SHCBP1: variants seen among roughly 807,000 people sequenced by gnomAD.
The protein encoded by SHCBP1 is SHC SH2 domain-binding protein 1.
A neutral mutation model predicts 75.1 loss-of-function variants in SHCBP1; 60 were observed. That is an observed-to-expected ratio of 0.80 (90% CI 0.65 to 0.99). SHCBP1 has a LOEUF of 0.99. Ranked by LOEUF, SHCBP1 falls within the 50% of genes least tolerant of loss-of-function variation. The pLI is 0.00. For missense variants in SHCBP1, 709 were observed against 809.4 expected (o/e 0.88, Z 1.50); for synonymous variants, 290 against 293.2 (o/e 0.99, Z 0.11).
chr16:46,580,515 T>C lies in SHCBP1; in HGVS notation c.*1214A>G, dbSNP rs954926654. On this transcript the variant is annotated 3_prime_UTR_variant, in exon 13 of 13. Coordinates refer to ENST00000303383, the MANE Select transcript of SHCBP1 (RefSeq NM_024745.5). Reference sequence around the variant, plus strand: ...GACCACATATGCTACACTGACACTATGGCCCACAGTGAGTTTGAAAAGATA... The same window carrying C: ...GACCACATATGCTACACTGACACTACGGCCCACAGTGAGTTTGAAAAGATA... 2.6e-5 allele frequency: 4 copies of C among 152,324 alleles called. No individual in the cohort carries two copies. Among genetic ancestry groups the C allele is most frequent in the African/African-American group, 4.8e-5 (2 of 41,580 alleles). 9.4% of individuals were successfully genotyped at this position (152,324 alleles called of 1,614,324 possible).
intron 3 of SHCBP1, 42 bp downstream of exon 3, chr16:46,617,592 T>G: frequency 1.3e-6 from 2 of 1,518,080 alleles, no homozygotes; most frequent in Non-Finnish European, 1.8e-6. Flanking sequence ...AGTAAAGTGC[T>G]TAAAGCTAGA....
chr16:46,581,782 C>T lies in SHCBP1; in HGVS notation c.1966G>A (p.Gly656Arg), dbSNP rs149710303. ...TTCCCATTCCACTTGAACTGGTTCCCCACAATCCCAACAAACATCTCCTGT... is the reference window on the plus strand; with the variant it reads ...TTCCCATTCCACTTGAACTGGTTCCTCACAATCCCAACAAACATCTCCTGT... ...MSQEMFVGIV[G>R]NQFKWNGKGS... The change falls in exon 13 of 13, where the codon GGG becomes AGG. Residue 656 changes from glycine to arginine, a missense_variant. Coordinates refer to ENST00000303383, the MANE Select transcript of SHCBP1 (RefSeq NM_024745.5). The T allele has an allele frequency of 2.2e-5, 36 of 1,614,188 alleles. No homozygotes were observed. In the East Asian group the frequency reaches 7.8e-4, roughly 35 times the overall value.
At chr16:46,611,324 A>C (rs1228940461) in intron 4 of SHCBP1, among the ~76,000 whole-genome samples, 1 of 152,266 alleles carries the variant, frequency 6.6e-6, no homozygotes. Flanking sequence ...AGTATACAAT[A>C]ATCATACAAA....
At chr16:46,617,885 G>C (rs1596692206) in intron 2 of SHCBP1, 136 bp from the exon 3 acceptor site, 2 of 768,220 alleles carry the variant, frequency 2.6e-6, no homozygotes, top group East Asian at 2.7e-5. Context: ...AAAGATAAAA[G>C]ATGCAAAAAA....
At position 46,604,295 on chromosome 16, in the gene SHCBP1, AC is replaced by A; in HGVS notation, c.855del (p.Leu286Ter). 3.7e-6 allele frequency: 6 copies of A among 1,614,158 alleles called. No homozygotes were observed. Among genetic ancestry groups the A allele is most frequent in the Non-Finnish European group, 5.1e-6 (6 of 1,180,024 alleles). Reference sequence around the variant, plus strand: ...TGTTCCATCTCCGAATACAATTTTAACCCTTCCACCATGGAGATATTTTCCT... The same window carrying A: ...TGTTCCATCTCCGAATACAATTTTAACCTTCCACCATGGAGATATTTTCCT... ...SEQENISMVE[G>X]LKLYSEMEQL... is the part of the protein sequence containing the mutation. On this transcript the variant is annotated frameshift_variant, in exon 6 of 13. Transcript: ENST00000303383. LOFTEE classifies it high-confidence loss of function.
intron 3 of SHCBP1, among the ~76,000 whole-genome samples, chr16:46,617,066 T>C (rs1212678730): frequency 6.6e-6 from 1 of 152,210 alleles, no homozygotes; most frequent in African/African-American, 2.4e-5. Context: ...AAGCTGTAAT[T>C]AGAATGCAAA....
At chr16:46,602,263 C>T (rs958584059) in intron 8 of SHCBP1, among the ~76,000 whole-genome samples, 3 of 152,064 alleles carry the variant, frequency 2.0e-5, no homozygotes, top group Non-Finnish European at 2.9e-5. Context: ...TTTATATACA[C>T]ACATCTATTA....
At chr16:46,615,888 C>T (rs1392346772) in intron 4 of SHCBP1, 58 bp downstream of exon 4, 79 of 1,432,582 alleles carry the variant, frequency 5.5e-5, no homozygotes, top group Non-Finnish European at 7.5e-5. Flanking sequence ...ACCAGAATTA[C>T]TTCATTTCAT....
intron 8 of SHCBP1, among the ~76,000 whole-genome samples, chr16:46,602,439 T>C (rs1217959181): frequency 1.3e-5 from 2 of 152,214 alleles, no homozygotes; most frequent in Non-Finnish European, 2.9e-5. Context: ...TCTGAACAGC[T>C]GCACAAGTCC....
chr16:46,617,522 C>G lies in SHCBP1; in HGVS notation c.387+112G>C, dbSNP rs542299372. On this transcript the variant is annotated intron_variant, in intron 3 of 12. Coordinates refer to ENST00000303383, the MANE Select transcript of SHCBP1 (RefSeq NM_024745.5). ...ATGGCAATTAGATGTGAAAAACATG[C>G]TATTTGAATCAGCTCATAAACTTTA... is the stretch of plus-strand genomic sequence containing the variant. 4 of 728,606 alleles carry G rather than the reference C, an allele frequency of 5.5e-6. No homozygotes were observed. In the East Asian group the frequency reaches 8.5e-5, roughly 15 times the overall value. 45.1% of individuals were successfully genotyped at this position (728,606 alleles called of 1,614,324 possible).
In SHCBP1 at chr16:46,599,858, G is replaced by T. The variant is rs1400355591; in HGVS notation, c.1318C>A (p.Gln440Lys). 6.2e-7 allele frequency: 1 copy of T among 1,611,466 alleles called. No individual in the cohort carries two copies. The highest frequency in any genetic ancestry group is 8.5e-7 in the Non-Finnish European group (1 of 1,179,336). Residue 440 changes from glutamine to lysine, a missense_variant, in exon 9 of 13, where the codon CAG (glutamine) becomes AAG (lysine). Coordinates refer to ENST00000303383, the MANE Select transcript of SHCBP1 (RefSeq NM_024745.5). ...AAGATTCCCTCTACAGCATCATGCT[G>T]AACAAATTTTATGCCTGAGATTTTA... ...DIKISGIKFV[Q>K]HDAVEGILIV...
intron 10 of SHCBP1, among the ~76,000 whole-genome samples, chr16:46,588,070 C>A (rs557511942): frequency 1.3e-5 from 2 of 152,294 alleles, no homozygotes; most frequent in South Asian, 2.1e-4. Flanking sequence ...TGAATGACAA[C>A]TGGGTACATA....
intron 10 of SHCBP1, among the ~76,000 whole-genome samples, chr16:46,590,061 A>C (rs1236728677): frequency 3.9e-5 from 6 of 152,258 alleles, no homozygotes; most frequent in Non-Finnish European, 5.9e-5. Context: ...CAAAAACAAG[A>C]AATGGGGAAA....
At chr16:46,620,941 T>A (rs1046608827) in intron 1 of SHCBP1, 2 of 320,982 alleles carry the variant, frequency 6.2e-6, no homozygotes, top group African/African-American at 4.3e-5. Context: ...TGAGCAACAG[T>A]AAATGCACAG....
intron 4 of SHCBP1, among the ~76,000 whole-genome samples, chr16:46,610,152 A>G (rs1461302058): frequency 1.3e-5 from 2 of 151,962 alleles, no homozygotes; most frequent in East Asian, 3.9e-4. Flanking sequence ...GGGTTTCACT[A>G]TGTTGGCCAG....
chr16:46,594,604 T>G (rs1567445003), intron 10 of SHCBP1, among the ~76,000 whole-genome samples: 1 of 152,042 alleles, frequency 6.6e-6, no homozygotes, highest in Admixed American at 6.6e-5. Flanking sequence ...CAAATGCTCT[T>G]GAGGACATGG....
chr16:46,609,513 G>A (rs935179190), intron 4 of SHCBP1, among the ~76,000 whole-genome samples: 1 of 129,486 alleles, frequency 7.7e-6, no homozygotes, highest in Non-Finnish European at 1.6e-5. Flanking sequence ...GTGCAGTGGC[G>A]CCATCTTGGC....
Position 46,599,733 on chromosome 16 carries a change from C to T in SHCBP1, c.1345+98G>A, listed in dbSNP as rs1177659168. ...TGCAATAAAACAAGGTATGCCTGTA[C>T]TCAAGAGTGGCATTTCATTAAATTC... is the stretch of plus-strand genomic sequence containing the variant. On this transcript the variant is annotated intron_variant, in intron 9 of 12. Transcript: ENST00000303383. 7 of 679,852 alleles carry T rather than the reference C, an allele frequency of 1.0e-5. No individual in the cohort carries two copies. The East Asian group carries it at 5.7e-4, about 56-fold the overall frequency. 42.1% of individuals were successfully genotyped at this position (679,852 alleles called of 1,614,324 possible). A position where few individuals can be genotyped will look rare whatever the true frequency, so the allele number is the denominator to read the frequency against.
intron 10 of SHCBP1, among the ~76,000 whole-genome samples, chr16:46,587,962 G>A (rs985410502): frequency 7.9e-5 from 12 of 152,112 alleles, no homozygotes; most frequent in Non-Finnish European, 1.6e-4. Context: ...ATAACAAACT[G>A]TCTCTCAGAC....
Sources: gnomAD v4.1 joint callset for allele counts (sites outside exome capture counted in the v4.1 genomes callset) on GRCh38, gnomAD v4.1.1 for gene constraint, MANE v1.5 for transcripts, NCBI Gene and HGNC (gene_info 2026-07-23, HGNC 2026-07-21) for gene names.